The following CADM2 variants were observed in gnomAD, a reference collection of about 807,000 sequenced individuals.
The protein encoded by CADM2 is immunoglobulin superfamily member 4D.
Under a neutral mutation model 49.8 loss-of-function variants are expected in CADM2, and 12 were observed. The observed-to-expected ratio is 0.24, with a 90% confidence interval of 0.15 to 0.39. CADM2 has a LOEUF of 0.39. CADM2 is among the 10% of genes least tolerant of loss of function. The pLI is 1.00. For missense variants in CADM2, 378 were observed against 492.3 expected (o/e 0.77, Z 2.20); for synonymous variants, 214 against 175.4 (o/e 1.22, Z -1.74).
intron 1 of CADM2, among the ~76,000 whole-genome samples, chr3:85,561,308 TTAAA>T (rs2062089495): frequency 1.3e-5 from 2 of 152,172 alleles, no homozygotes; most frequent in African/African-American, 4.8e-5. Flanking sequence ...CCAATAAACT[TTAAA>T]TAAGAATAGC....
At chr3:85,340,513 T>A (rs1002362518) in intron 1 of CADM2, among the ~76,000 whole-genome samples, 2 of 151,632 alleles carry the variant, frequency 1.3e-5, no homozygotes, top group African/African-American at 2.4e-5. Context: ...TGTACAGATA[T>A]CCATATATAT....
intron 1 of CADM2, among the ~76,000 whole-genome samples, chr3:85,232,864 G>T (rs2042325910): frequency 6.6e-6 from 1 of 152,122 alleles, no homozygotes; most frequent in Admixed American, 6.6e-5. Context: ...CATAGGTTTA[G>T]TATATAATTG....
At chr3:85,953,623 C>T (rs996958011) in intron 7 of CADM2, among the ~76,000 whole-genome samples, 1 of 150,938 alleles carries the variant, frequency 6.6e-6, no homozygotes, top group African/African-American at 2.4e-5. Flanking sequence ...ATGCCACTTA[C>T]TGTATGCTAC....
intron 1 of CADM2, among the ~76,000 whole-genome samples, chr3:85,067,006 T>G (rs919981468): frequency 6.6e-6 from 1 of 152,146 alleles, no homozygotes; most frequent in African/African-American, 2.4e-5. Context: ...TGTATCATTT[T>G]GAGATTTAGG....
At chr3:85,459,175 A>G (rs1227209071) in intron 1 of CADM2, among the ~76,000 whole-genome samples, 1 of 152,190 alleles carries the variant, frequency 6.6e-6, no homozygotes, top group Admixed American at 6.5e-5. Context: ...TCAGTGGCCC[A>G]TGTTCTCTGA....
At chr3:85,359,666 A>ATATTTT in intron 1 of CADM2, among the ~76,000 whole-genome samples, 66 of 26,546 alleles carry the variant, frequency 2.5e-3, no homozygotes, top group Middle Eastern at 0.033. Context: ...ATATATATAT[A>ATATTTT]TTTTTTTTTT....
chr3:85,563,943 C>T (rs1205046318), intron 1 of CADM2, among the ~76,000 whole-genome samples: 2 of 152,088 alleles, frequency 1.3e-5, no homozygotes, highest in Non-Finnish European at 2.9e-5. Flanking sequence ...ATGAATATAA[C>T]GTCTTCAATT....
At chr3:85,805,324 G>A (rs954614208) in intron 3 of CADM2, 1 of 152,114 alleles carries the variant, frequency 6.6e-6, no homozygotes, top group African/African-American at 2.4e-5. Flanking sequence ...GTATGTGTTT[G>A]TGTTTGTAGT....
chr3:86,002,873 A>G (rs1418527977), intron 8 of CADM2, among the ~76,000 whole-genome samples: 1 of 152,162 alleles, frequency 6.6e-6, no homozygotes, highest in Non-Finnish European at 1.5e-5. Context: ...TCTAGTTAGG[A>G]TTTGTGATGG....
chr3:85,189,930 C>T (rs1359418756), intron 1 of CADM2, among the ~76,000 whole-genome samples: 1 of 149,194 alleles, frequency 6.7e-6, no homozygotes, highest in African/African-American at 2.5e-5. Flanking sequence ...GCAGCTTACA[C>T]AAGGTAGCTG....
At chr3:85,674,612 A>G (rs1240794798) in intron 1 of CADM2, among the ~76,000 whole-genome samples, 1 of 152,202 alleles carries the variant, frequency 6.6e-6, no homozygotes, top group Admixed American at 6.5e-5. Flanking sequence ...ATTTAAACAG[A>G]TGAAAGAAAA....
intron 5 of CADM2, among the ~76,000 whole-genome samples, chr3:85,908,239 G>C (rs1195860151): frequency 1.4e-5 from 2 of 138,130 alleles, no homozygotes; most frequent in Non-Finnish European, 3.1e-5. Context: ...AGATATCTTG[G>C]CTTTTTTTTT....
chr3:85,048,260 T>G, intron 1 of CADM2, among the ~76,000 whole-genome samples: 1 of 152,274 alleles, frequency 6.6e-6, no homozygotes, highest in East Asian at 1.9e-4. Context: ...TCTTAAAGAA[T>G]CAATAAGAGT....
intron 1 of CADM2, among the ~76,000 whole-genome samples, chr3:85,079,739 A>G (rs1249847635): frequency 6.6e-6 from 1 of 152,086 alleles, no homozygotes; most frequent in Non-Finnish European, 1.5e-5. Flanking sequence ...CAATAGCTTG[A>G]AGAATAATAG....
At chr3:85,278,018 T>C (rs2043401624) in intron 1 of CADM2, among the ~76,000 whole-genome samples, 2 of 150,940 alleles carry the variant, frequency 1.3e-5, no homozygotes, top group African/African-American at 4.8e-5. Context: ...TTTCTCCCCT[T>C]TTTTTTTCTA....
intron 7 of CADM2, among the ~76,000 whole-genome samples, chr3:85,943,551 T>G (rs553405934): frequency 1.8e-3 from 274 of 151,866 alleles, no homozygotes; most frequent in African/African-American, 5.8e-3. Flanking sequence ...GCTTTCTACA[T>G]ATGGCTAGCC....
chr3:85,956,292 A>G (rs568992209), intron 7 of CADM2, among the ~76,000 whole-genome samples: 18 of 151,704 alleles, frequency 1.2e-4, no homozygotes, highest in African/African-American at 3.9e-4. Context: ...TTGTAACAAG[A>G]AACTCAATCA....
At chr3:85,321,283 C>T (rs2044606721) in intron 1 of CADM2, among the ~76,000 whole-genome samples, 1 of 149,776 alleles carries the variant, frequency 6.7e-6, no homozygotes, top group Non-Finnish European at 1.5e-5. Flanking sequence ...AGCAATTCTC[C>T]TGCCTCAGCC....
chr3:85,583,911 T>C (rs2062863844), intron 1 of CADM2, among the ~76,000 whole-genome samples: 1 of 152,208 alleles, frequency 6.6e-6, no homozygotes, highest in Admixed American at 6.5e-5. Context: ...ATTCCAACTA[T>C]AGAAAATTTC....
Sources: allele counts gnomAD v4.1 joint callset (sites outside exome capture counted in the v4.1 genomes callset), GRCh38; gene constraint gnomAD v4.1.1; transcripts MANE v1.5; gene names NCBI Gene and HGNC (gene_info 2026-07-23, HGNC 2026-07-21).